SLC18A1: variants seen among roughly 807,000 people sequenced by gnomAD.
SLC18A1 encodes chromaffin granule amine transporter.
A neutral mutation model predicts 53.7 loss-of-function variants in SLC18A1; 69 were observed. That is an observed-to-expected ratio of 1.28 (90% CI 1.06 to 1.57). The LOEUF is 1.57. Ranked by LOEUF, SLC18A1 falls within the 40% of genes most tolerant of loss-of-function variation. SLC18A1 has a pLI of 0.00. For synonymous variants in SLC18A1, 320 were observed against 248.1 expected (o/e 1.29, Z -2.72); for missense variants, 932 against 668.1 (o/e 1.40, Z -4.35).
chr8:20,166,698 G>A (rs1401488796), intron 8 of SLC18A1, among the ~76,000 whole-genome samples: 1 of 151,980 alleles, frequency 6.6e-6, no homozygotes, highest in Non-Finnish European at 1.5e-5. Context: ...TAGTGTTATG[G>A]GCTGAATGGA....
Position 20,156,052 on chromosome 8 carries a change from T to C in SLC18A1, c.1016-5308A>G, listed in dbSNP as rs181411141. Reference sequence around the variant, plus strand: ...AGCTCCTTGGCGAGGGCCTTAGAACTGATGACCCAGTACTTTAACACTGGA... The same window carrying C: ...AGCTCCTTGGCGAGGGCCTTAGAACCGATGACCCAGTACTTTAACACTGGA... On this transcript the variant is annotated intron_variant, in intron 10 of 15. Transcript: ENST00000276373. 7.4e-4 allele frequency among the ~76,000 whole-genome samples: 112 copies of C among 152,336 alleles called. 2 individuals are homozygous for C. In the East Asian group the frequency reaches 0.02, roughly 28 times the overall value.
intron 10 of SLC18A1, among the ~76,000 whole-genome samples, chr8:20,155,108 T>G (rs111628201): frequency 0.28 from 42,980 of 152,072 alleles, 7,031 homozygotes; most frequent in Non-Finnish European, 0.37. Context: ...TTCCATTCCT[T>G]GGAATCTGTG....
Position 20,171,199 on chromosome 8 carries a change from G to C in SLC18A1, c.815-53C>G. The C allele has an allele frequency of 3.2e-6, 5 of 1,583,068 alleles. No homozygotes were observed. The South Asian group carries it at 5.5e-5, about 18-fold the overall frequency. ...CAGCGTGTCTACTGATTAGCTGGGG[G>C]CTCCAATAACAGCTGTAGTGCTACC... On this transcript the variant is annotated intron_variant, in intron 7 of 15. Transcript: ENST00000276373.
chr8:20,145,894 A>G lies in SLC18A1; in HGVS notation c.1465-18T>C, dbSNP rs747143562. Reference sequence around the variant, plus strand: ...AGAATAGCCTGCAGAGAGAGGCAAGAAGAGAAGCCACTGCACATTATTATC... The same window carrying G: ...AGAATAGCCTGCAGAGAGAGGCAAGGAGAGAAGCCACTGCACATTATTATC... On this transcript the variant is annotated intron_variant, in intron 15 of 15. Transcript: ENST00000276373. 22 of 1,469,256 alleles carry G rather than the reference A, an allele frequency of 1.5e-5. No individual in the cohort carries two copies. The highest frequency in any genetic ancestry group is 1.0e-4 in the African/African-American group (7 of 70,330). The allele number at this position is 1,469,256 out of a possible 1,614,324, so 91.0% of individuals were successfully genotyped here.
At chr8:20,180,331 T>C (rs940786545) in intron 2 of SLC18A1, among the ~76,000 whole-genome samples, 1 of 152,184 alleles carries the variant, frequency 6.6e-6, no homozygotes, top group Non-Finnish European at 1.5e-5. Context: ...TGCCCATTTA[T>C]ACAAGGGTGT....
intron 8 of SLC18A1, among the ~76,000 whole-genome samples, chr8:20,168,094 C>G (rs1446360027): frequency 6.6e-6 from 1 of 152,058 alleles, no homozygotes. Flanking sequence ...GACACAGCAA[C>G]AAGTTAATGG....
In SLC18A1 at chr8:20,171,042, T is replaced by G; in HGVS notation, c.858+61A>C. Reference sequence around the variant, plus strand: ...CTTCTTATGGTTTGGCAGGCATGCCTGGGTTCCTGCATTCAGCCATCCTGT... The same window carrying G: ...CTTCTTATGGTTTGGCAGGCATGCCGGGGTTCCTGCATTCAGCCATCCTGT... On this transcript the variant is annotated intron_variant, in intron 8 of 15. Coordinates refer to ENST00000276373, the MANE Select transcript of SLC18A1 (RefSeq NM_003053.4). 4 of 1,531,564 alleles carry G rather than the reference T, an allele frequency of 2.6e-6. No homozygotes were observed. The South Asian group carries it at 4.5e-5, about 17-fold the overall frequency. 94.9% of individuals were successfully genotyped at this position (1,531,564 alleles called of 1,614,324 possible). A position where few individuals can be genotyped will look rare whatever the true frequency, so the allele number is the denominator to read the frequency against.
chr8:20,147,470 G>T (rs1199102203), intron 14 of SLC18A1, 79 bp from the exon 15 acceptor site: 2 of 1,574,116 alleles, frequency 1.3e-6, no homozygotes, highest in Non-Finnish European at 1.7e-6. Context: ...ACTATGCTAG[G>T]GGCAGTGGGT....
intron 3 of SLC18A1, 67 bp downstream of exon 3, chr8:20,179,054 C>A: frequency 6.6e-7 from 1 of 1,518,366 alleles, no homozygotes; most frequent in Non-Finnish European, 8.8e-7. Context: ...CTTCCAACCC[C>A]CTTTCTATAC....
intron 10 of SLC18A1, among the ~76,000 whole-genome samples, chr8:20,161,369 C>A (rs1049014789): frequency 5.3e-5 from 8 of 151,988 alleles, no homozygotes; most frequent in African/African-American, 1.9e-4. Context: ...ATAAAAATAA[C>A]AGTACAAGAT....
At chr8:20,170,131 C>T (rs2072073883) in intron 8 of SLC18A1, among the ~76,000 whole-genome samples, 1 of 152,134 alleles carries the variant, frequency 6.6e-6, no homozygotes, top group Non-Finnish European at 1.5e-5. Flanking sequence ...TGACTTCCCT[C>T]TCCAGGACCC....
intron 10 of SLC18A1, among the ~76,000 whole-genome samples, chr8:20,159,093 G>A (rs36088196): frequency 0.26 from 40,241 of 151,986 alleles, 5,506 homozygotes; most frequent in Non-Finnish European, 0.28. Context: ...TTCAAATGGA[G>A]CCCCAGATGC....
At chr8:20,150,769 C>T in intron 10 of SLC18A1, 25 bp from the exon 11 acceptor site, 2 of 1,599,016 alleles carry the variant, frequency 1.3e-6, no homozygotes, top group African/African-American at 1.3e-5. Flanking sequence ...AGATCCTTAC[C>T]TTAGGACATG....
chr8:20,161,256 G>T (rs117007302), intron 10 of SLC18A1, among the ~76,000 whole-genome samples: 2,506 of 152,212 alleles, frequency 0.016, 33 homozygotes, highest in Admixed American at 0.031. Flanking sequence ...CTCCAGCTGT[G>T]AGCGTGTGAA....
chr8:20,160,970 G>A (rs2071816328), intron 10 of SLC18A1, among the ~76,000 whole-genome samples: 1 of 152,160 alleles, frequency 6.6e-6, no homozygotes, highest in African/African-American at 2.4e-5. Flanking sequence ...TAAAGGTGGT[G>A]CCCCTAGGAC....
At position 20,178,907 on chromosome 8, in the gene SLC18A1, A is replaced by G. The variant is rs2279710; in HGVS notation, c.488+214T>C. Among the ~76,000 whole-genome samples, 143 of 152,276 alleles carry G rather than the reference A, an allele frequency of 9.4e-4. 2 individuals are homozygous for G. The East Asian group carries it at 0.025, about 27-fold the overall frequency. ...TGCTGTTCATGGTTCTCTTCTTGGTACTCAATACTCAATATATCACTAAGA... is the reference window on the plus strand; with the variant it reads ...TGCTGTTCATGGTTCTCTTCTTGGTGCTCAATACTCAATATATCACTAAGA... On this transcript the variant is annotated intron_variant, in intron 3 of 15. Transcript: ENST00000276373.
chr8:20,166,515 G>A (rs562578522), intron 8 of SLC18A1, among the ~76,000 whole-genome samples: 2 of 151,428 alleles, frequency 1.3e-5, no homozygotes, highest in South Asian at 4.2e-4. Flanking sequence ...AAAACACTAA[G>A]ACACAGGAAA....
chr8:20,180,032 T>C (rs959320059), intron 2 of SLC18A1, among the ~76,000 whole-genome samples: 1 of 152,096 alleles, frequency 6.6e-6, no homozygotes, highest in African/African-American at 2.4e-5. Context: ...GCAAGTCACT[T>C]AACACTTCTG....
intron 10 of SLC18A1, among the ~76,000 whole-genome samples, chr8:20,157,552 G>A (rs2071714303): frequency 6.6e-6 from 1 of 152,194 alleles, no homozygotes. Flanking sequence ...ATAACACAGG[G>A]AAAGGAAGAA....
Sources: gnomAD v4.1 joint callset for allele counts (sites outside exome capture counted in the v4.1 genomes callset) on GRCh38, gnomAD v4.1.1 for gene constraint, MANE v1.5 for transcripts, NCBI Gene and HGNC (gene_info 2026-07-23, HGNC 2026-07-21) for gene names.